ZNF804B: variants seen among roughly 807,000 people sequenced by gnomAD.
ZNF804B encodes the protein zinc finger 804B.
ZNF804B carries 80 observed loss-of-function variants against 101.4 expected under a neutral mutation model. The observed-to-expected ratio is 0.79, with a 90% CI of 0.66 to 0.95. ZNF804B has a LOEUF of 0.95. Among genes scored for constraint, ZNF804B ranks in the 40% least tolerant of loss-of-function variants. ZNF804B has a pLI of 0.00. For synonymous variants in ZNF804B, 622 were observed against 558.8 expected (o/e 1.11, Z -1.59); for missense variants, 1,673 against 1,561.9 (o/e 1.07, Z -1.20).
chr7:89,120,537 A>C (rs558083412), intron 1 of ZNF804B, among the ~76,000 whole-genome samples: 2 of 150,904 alleles, frequency 1.3e-5, no homozygotes, highest in African/African-American at 4.9e-5. Flanking sequence ...GGGTGCCTGT[A>C]GTCCCAGCTC....
intron 1 of ZNF804B, among the ~76,000 whole-genome samples, chr7:88,946,120 T>C (rs1793124368): frequency 6.6e-6 from 1 of 152,084 alleles, no homozygotes; most frequent in East Asian, 1.9e-4. Flanking sequence ...GAACTTCCAA[T>C]GCTATGTTGA....
At chr7:89,296,986 C>T (rs949386118) in intron 2 of ZNF804B, among the ~76,000 whole-genome samples, 5 of 151,930 alleles carry the variant, frequency 3.3e-5, no homozygotes, top group African/African-American at 7.2e-5. Flanking sequence ...GTTTTTATTG[C>T]TTTGCACTAA....
intron 1 of ZNF804B, among the ~76,000 whole-genome samples, chr7:88,976,400 AT>A (rs1793616498): frequency 6.6e-6 from 1 of 151,470 alleles, no homozygotes. Context: ...ATATTTTTCC[AT>A]TTTTTGTGTC....
intron 1 of ZNF804B, among the ~76,000 whole-genome samples, chr7:88,856,445 C>G (rs929718714): frequency 6.6e-6 from 1 of 152,088 alleles, no homozygotes; most frequent in South Asian, 2.1e-4. Context: ...GTGATTTTTG[C>G]ACATTGATTT....
chr7:89,237,448 T>G (rs1429967096), intron 2 of ZNF804B, among the ~76,000 whole-genome samples: 1 of 152,202 alleles, frequency 6.6e-6, no homozygotes, highest in Non-Finnish European at 1.5e-5. Context: ...CCCATCCACT[T>G]GAAAATGTTG....
At chr7:88,873,684 A>G (rs887139451) in intron 1 of ZNF804B, among the ~76,000 whole-genome samples, 2 of 152,186 alleles carry the variant, frequency 1.3e-5, no homozygotes, top group Non-Finnish European at 2.9e-5. Context: ...AGCTTTCTAC[A>G]TATGGCGAGC....
intron 2 of ZNF804B, among the ~76,000 whole-genome samples, chr7:89,261,133 G>A (rs1789706664): frequency 6.6e-6 from 1 of 152,118 alleles, no homozygotes; most frequent in African/African-American, 2.4e-5. Flanking sequence ...TACAGCAATA[G>A]AGTAAGTACT....
intron 2 of ZNF804B, among the ~76,000 whole-genome samples, chr7:89,229,615 T>C (rs1446117558): frequency 1.3e-5 from 2 of 152,230 alleles, no homozygotes; most frequent in Non-Finnish European, 2.9e-5. Flanking sequence ...ACTATTTTAC[T>C]TGGAGATACC....
chr7:89,177,922 G>A (rs975211649), intron 1 of ZNF804B, among the ~76,000 whole-genome samples: 11 of 147,234 alleles, frequency 7.5e-5, no homozygotes, highest in South Asian at 4.4e-4. Context: ...GTGACAGAGC[G>A]AGACTCTGTC....
At chr7:88,854,764 CCCA>C (rs1294924722) in intron 1 of ZNF804B, among the ~76,000 whole-genome samples, 1 of 114,400 alleles carries the variant, frequency 8.7e-6, no homozygotes, top group African/African-American at 3.5e-5. Context: ...CTCCCCCGAC[CCCA>C]CAACAGGCCC....
chr7:89,021,209 C>T (rs1395992719), intron 1 of ZNF804B, among the ~76,000 whole-genome samples: 2 of 152,136 alleles, frequency 1.3e-5, no homozygotes, highest in South Asian at 2.1e-4. Flanking sequence ...AGTCTTTGTA[C>T]ATTTTCTTCA....
At chr7:88,798,309 T>C (rs1231497432) in intron 1 of ZNF804B, among the ~76,000 whole-genome samples, 1 of 152,102 alleles carries the variant, frequency 6.6e-6, no homozygotes, top group Non-Finnish European at 1.5e-5. Context: ...AAGAATGATA[T>C]TTCATCATGA....
At chr7:89,171,360 TCCTC>T (rs1791230071) in intron 1 of ZNF804B, among the ~76,000 whole-genome samples, 2 of 111,554 alleles carry the variant, frequency 1.8e-5, no homozygotes, top group African/African-American at 6.6e-5. Flanking sequence ...TTCTTCTTCC[TCCTC>T]TTCCTCTTCT....
chr7:89,118,761 G>C (rs948014767), intron 1 of ZNF804B, among the ~76,000 whole-genome samples: 3 of 152,116 alleles, frequency 2.0e-5, no homozygotes, highest in African/African-American at 4.8e-5. Flanking sequence ...TTGTGGGAAA[G>C]TATTAAAACT....
chr7:89,335,291 C>A lies in ZNF804B; in HGVS notation c.2309C>A (p.Thr770Lys). ...TGCTTCTACTTGTCTGATGATATAA[C>A]AAAGAGCAGCCAAATGCAGTCTGAA... ...HNCFYLSDDI[T>K]KSSQMQSEPQ... The change falls in exon 4 of 4, where the codon ACA (threonine) becomes AAA (lysine). Residue 770 changes from threonine (T) to lysine (K), a missense_variant. Coordinates refer to ENST00000333190, the MANE Select transcript of ZNF804B (RefSeq NM_181646.5). 1.2e-6 allele frequency: 2 copies of A among 1,613,638 alleles called. No homozygotes were observed. Among genetic ancestry groups the A allele is most frequent in the Non-Finnish European group, 1.7e-6 (2 of 1,179,934 alleles).
chr7:88,989,044 G>T (rs1018790512), intron 1 of ZNF804B, among the ~76,000 whole-genome samples: 3 of 151,786 alleles, frequency 2.0e-5, no homozygotes, highest in African/African-American at 7.3e-5. Flanking sequence ...TATTATTTGA[G>T]ACGGAGTCTC....
At chr7:88,938,900 A>T (rs13225017) in intron 1 of ZNF804B, among the ~76,000 whole-genome samples, 1 of 152,196 alleles carries the variant, frequency 6.6e-6, no homozygotes, top group East Asian at 1.9e-4. Context: ...AGTTAATTAA[A>T]CCTTAAGGAA....
At chr7:89,306,964 A>T (rs1452116459) in intron 2 of ZNF804B, among the ~76,000 whole-genome samples, 4 of 151,946 alleles carry the variant, frequency 2.6e-5, no homozygotes, top group Non-Finnish European at 2.9e-5. Context: ...TACATATAGA[A>T]ATGTAATTGC....
intron 1 of ZNF804B, among the ~76,000 whole-genome samples, chr7:88,764,660 A>T (rs1467694096): frequency 6.6e-6 from 1 of 152,204 alleles, no homozygotes; most frequent in East Asian, 1.9e-4. Context: ...TGAGGAAATG[A>T]GTGCAGTTAA....
Sources: allele counts gnomAD v4.1 joint callset (sites outside exome capture counted in the v4.1 genomes callset), GRCh38; gene constraint gnomAD v4.1.1; transcripts MANE v1.5; gene names NCBI Gene and HGNC (gene_info 2026-07-23, HGNC 2026-07-21).